PTPRD: variants seen among roughly 807,000 people sequenced by gnomAD.
PTPRD encodes receptor-type tyrosine-protein phosphatase delta.
A neutral mutation model predicts 214.5 loss-of-function variants in PTPRD; 34 were observed. The observed-to-expected ratio is 0.16, with a 90% confidence interval of 0.12 to 0.21. The LOEUF (loss-of-function observed/expected upper bound fraction) is 0.21, where lower values mean the gene tolerates loss of function less well. Ranked by LOEUF, PTPRD falls within the 10% of genes least tolerant of loss-of-function variation. PTPRD has a pLI of 1.00. For synonymous variants in PTPRD, 1,128 were observed against 845.7 expected (o/e 1.33, Z -5.79); for missense variants, 2,545 against 2,398.7 (o/e 1.06, Z -1.27).
intron 12 of PTPRD, among the ~76,000 whole-genome samples, chr9:8,724,190 G>T (rs1184174721): frequency 6.6e-6 from 1 of 152,026 alleles, no homozygotes. Context: ...AGATAAATTT[G>T]GGGGGAATTT....
intron 5 of PTPRD, among the ~76,000 whole-genome samples, chr9:9,788,614 G>T (rs2098944223): frequency 6.6e-6 from 1 of 151,252 alleles, no homozygotes; most frequent in African/African-American, 2.4e-5. Flanking sequence ...GGGTGGTAAT[G>T]GATTTTATTT....
At chr9:10,376,753 T>C (rs546508180) in intron 2 of PTPRD, among the ~76,000 whole-genome samples, 2 of 152,086 alleles carry the variant, frequency 1.3e-5, no homozygotes, top group South Asian at 2.1e-4. Context: ...GTTATGTTTT[T>C]ATTTTTTAAT....
chr9:8,837,616 C>A (rs1455086614), intron 11 of PTPRD, among the ~76,000 whole-genome samples: 1 of 152,094 alleles, frequency 6.6e-6, no homozygotes, highest in Non-Finnish European at 1.5e-5. Context: ...TCCACCTTAG[C>A]CTCTCAAGTA....
intron 10 of PTPRD, among the ~76,000 whole-genome samples, chr9:9,097,335 T>C (rs764708459): frequency 6.6e-6 from 1 of 152,082 alleles, no homozygotes; most frequent in East Asian, 1.9e-4. Context: ...AACCTCATAC[T>C]CATGAATTAA....
intron 3 of PTPRD, among the ~76,000 whole-genome samples, chr9:10,210,595 G>C (rs992801891): frequency 6.6e-6 from 1 of 151,072 alleles, no homozygotes; most frequent in African/African-American, 2.4e-5. Context: ...GTCATGATAT[G>C]AGGATATTTA....
At chr9:10,521,387 C>T (rs1017536022) in intron 2 of PTPRD, among the ~76,000 whole-genome samples, 3 of 151,984 alleles carry the variant, frequency 2.0e-5, no homozygotes, top group East Asian at 1.9e-4. Flanking sequence ...GTGGATGAGC[C>T]GAGGAAGTGG....
chr9:9,954,671 C>T (rs1485593733), intron 4 of PTPRD, among the ~76,000 whole-genome samples: 1 of 151,944 alleles, frequency 6.6e-6, no homozygotes, highest in Non-Finnish European at 1.5e-5. Flanking sequence ...CATCCTTATA[C>T]ATATAAAATA....
chr9:8,494,586 C>G (rs1314892603), intron 26 of PTPRD, among the ~76,000 whole-genome samples: 2 of 152,170 alleles, frequency 1.3e-5, no homozygotes, highest in Admixed American at 1.3e-4. Context: ...GCAGTCATGG[C>G]TAACTGGAAA....
intron 3 of PTPRD, among the ~76,000 whole-genome samples, chr9:10,216,558 C>T (rs2099542017): frequency 6.6e-6 from 1 of 151,816 alleles, no homozygotes; most frequent in Admixed American, 6.6e-5. Context: ...CACATATCAC[C>T]TATGATTTTT....
At chr9:10,605,170 A>T (rs2133539037) in intron 2 of PTPRD, among the ~76,000 whole-genome samples, 1 of 151,974 alleles carries the variant, frequency 6.6e-6, no homozygotes, top group African/African-American at 2.4e-5. Context: ...TCCTCTTATA[A>T]GAATATCTCA....
At chr9:9,350,241 G>A (rs1302031046) in intron 9 of PTPRD, among the ~76,000 whole-genome samples, 1 of 152,036 alleles carries the variant, frequency 6.6e-6, no homozygotes, top group Non-Finnish European at 1.5e-5. Flanking sequence ...TCTTAGACTG[G>A]ATTCTAAGGC....
chr9:9,717,887 G>A (rs1288312018), intron 7 of PTPRD, among the ~76,000 whole-genome samples: 1 of 151,170 alleles, frequency 6.6e-6, no homozygotes, highest in African/African-American at 2.4e-5. Context: ...ATTATTATAG[G>A]AATCAAAAAA....
intron 5 of PTPRD, among the ~76,000 whole-genome samples, chr9:9,800,378 C>T (rs558551789): frequency 5.3e-5 from 8 of 152,100 alleles, no homozygotes; most frequent in Non-Finnish European, 1.0e-4. Context: ...TTGCAAAAAT[C>T]TGTATTTAAT....
chr9:9,471,297 C>G (rs890855146), intron 8 of PTPRD, among the ~76,000 whole-genome samples: 1 of 152,076 alleles, frequency 6.6e-6, no homozygotes, highest in Non-Finnish European at 1.5e-5. Context: ...CCAAAGGAAA[C>G]AACTGGATAT....
intron 5 of PTPRD, among the ~76,000 whole-genome samples, chr9:9,920,275 T>A (rs561476642): frequency 1.7e-4 from 26 of 152,250 alleles, no homozygotes; most frequent in Admixed American, 2.6e-4. Context: ...TGCTTTTCAA[T>A]AAGCTGATTT....
At chr9:8,447,112 C>T (rs991313834) in intron 34 of PTPRD, among the ~76,000 whole-genome samples, 1 of 152,172 alleles carries the variant, frequency 6.6e-6, no homozygotes, top group African/African-American at 2.4e-5. Context: ...AATTGCTTAC[C>T]TGAGCTAAAG....
rs145083490 is a variant in PTPRD at position 8,748,897 on chromosome 9, C to G, written c.-103-14951G>C. ...TGCACTCCAGCCTGGGTAATAAGAG[C>G]AAAACTCCATCATAAAAAAAGAAAA... On this transcript the variant is annotated intron_variant, in intron 11 of 45. Coordinates refer to ENST00000381196, the MANE Select transcript of PTPRD (RefSeq NM_002839.4). 1.7e-4 allele frequency among the ~76,000 whole-genome samples: 26 copies of G among 152,134 alleles called. 1 individual carries two copies. In the East Asian group the frequency reaches 3.3e-3, roughly 19 times the overall value.
chr9:10,307,708 G>T (rs1369449730), intron 3 of PTPRD, among the ~76,000 whole-genome samples: 1 of 151,822 alleles, frequency 6.6e-6, no homozygotes, highest in Non-Finnish European at 1.5e-5. Context: ...GGATGTAAAA[G>T]ATACATCCTT....
intron 11 of PTPRD, among the ~76,000 whole-genome samples, chr9:8,976,170 T>C (rs776844993): frequency 2.8e-4 from 43 of 152,110 alleles, no homozygotes; most frequent in Non-Finnish European, 4.7e-4. Flanking sequence ...TTGCTATCTT[T>C]TGCCCTATCT....
Sources: allele counts gnomAD v4.1 joint callset (sites outside exome capture counted in the v4.1 genomes callset), GRCh38; gene constraint gnomAD v4.1.1; transcripts MANE v1.5; gene names NCBI Gene and HGNC (gene_info 2026-07-23, HGNC 2026-07-21).